PCDH9: variants seen among roughly 807,000 people sequenced by gnomAD.
PCDH9 encodes protocadherin-9.
Under a neutral mutation model 70.6 loss-of-function variants are expected in PCDH9, and 24 were observed. The observed-to-expected ratio is 0.34, with a 90% confidence interval of 0.25 to 0.48. The LOEUF is 0.48. PCDH9 is among the 20% of genes least tolerant of loss of function. The probability of loss-of-function intolerance (pLI) is 0.99; values close to 1 mark genes in which losing one functional copy is unlikely to be tolerated. For synonymous variants in PCDH9, 562 were observed against 558.5 expected, an observed-to-expected ratio of 1.01 and a Z score of -0.09; for missense variants, 1,281 against 1,503.6, an observed-to-expected ratio of 0.85 and a Z score of 2.45.
At chr13:67,002,585 C>T in intron 2 of PCDH9, among the ~76,000 whole-genome samples, 1 of 149,956 alleles carries the variant, frequency 6.7e-6, no homozygotes, top group East Asian at 1.9e-4. Context: ...AAAAAAAAAC[C>T]CTCACCAATT....
intron 2 of PCDH9, among the ~76,000 whole-genome samples, chr13:67,040,194 C>G (rs2085084582): frequency 6.6e-6 from 1 of 152,034 alleles, no homozygotes; most frequent in South Asian, 2.1e-4. Context: ...TGTTTATGTC[C>G]CCCCAGACGT....
intron 2 of PCDH9, among the ~76,000 whole-genome samples, chr13:66,918,919 A>G (rs1339569801): frequency 6.6e-6 from 1 of 151,098 alleles, no homozygotes; most frequent in African/African-American, 2.4e-5. Flanking sequence ...TCTATTTTCA[A>G]CCTACTTAAT....
chr13:66,958,878 CG>C (rs1330928389), intron 2 of PCDH9, among the ~76,000 whole-genome samples: 2 of 152,122 alleles, frequency 1.3e-5, no homozygotes, highest in East Asian at 3.8e-4. Context: ...TATACTTAGA[CG>C]TTTTTCTCAG....
intron 3 of PCDH9, among the ~76,000 whole-genome samples, chr13:66,756,609 C>T (rs1025264094): frequency 1.3e-5 from 2 of 152,116 alleles, no homozygotes; most frequent in Non-Finnish European, 2.9e-5. Flanking sequence ...TGCAAACAGG[C>T]CCATTCCATG....
chr13:66,820,058 T>C (rs1420402385), intron 3 of PCDH9, among the ~76,000 whole-genome samples: 2 of 152,166 alleles, frequency 1.3e-5, no homozygotes, highest in Non-Finnish European at 2.9e-5. Context: ...TTAAGATAAG[T>C]ATGATATAAT....
intron 4 of PCDH9, among the ~76,000 whole-genome samples, chr13:66,593,465 T>A (rs2077061859): frequency 6.6e-6 from 1 of 151,776 alleles, no homozygotes; most frequent in South Asian, 2.1e-4. Context: ...AGTCTAAAGC[T>A]GAATAAAGAT....
At position 66,789,512 on chromosome 13, in the gene PCDH9, A is replaced by AT. The variant is rs1193963773; in HGVS notation, c.3138+113991dup. On this transcript the variant is annotated intron_variant, in intron 3 of 4. Transcript: ENST00000377865. ...ATCCACAGTGGGTTTATTTTTTTTT[A>AT]TTTTTTTTCCAGCTAGGAACATTTT... Among the ~76,000 whole-genome samples, 222 of 151,274 alleles carry AT rather than the reference A, an allele frequency of 1.5e-3. 2 individuals carry two copies. The highest frequency in any genetic ancestry group is 5.0e-3 in the African/African-American group (206 of 41,282).
chr13:66,820,516 G>A (rs118072378), intron 3 of PCDH9, among the ~76,000 whole-genome samples: 1 of 152,106 alleles, frequency 6.6e-6, no homozygotes, highest in Non-Finnish European at 1.5e-5. Flanking sequence ...CCAATGGAAT[G>A]CAAATCATTC....
chr13:67,111,726 T>G (rs1031319288), intron 2 of PCDH9, among the ~76,000 whole-genome samples: 3 of 152,174 alleles, frequency 2.0e-5, no homozygotes, highest in Non-Finnish European at 2.9e-5. Context: ...TATTTTTGAG[T>G]GGCTTTGATA....
intron 4 of PCDH9, among the ~76,000 whole-genome samples, chr13:66,611,279 T>C (rs2077290800): frequency 6.6e-6 from 1 of 152,194 alleles, no homozygotes; most frequent in Non-Finnish European, 1.5e-5. Context: ...ATTACATTTT[T>C]GCAGATTTGA....
At chr13:66,910,746 A>C (rs1041693021) in intron 2 of PCDH9, among the ~76,000 whole-genome samples, 3 of 152,188 alleles carry the variant, frequency 2.0e-5, no homozygotes, top group Non-Finnish European at 2.9e-5. Flanking sequence ...ATTTAATAAA[A>C]TGTTTAGGTG....
At chr13:67,219,639 G>C (rs2089681144) in intron 2 of PCDH9, 1 of 151,880 alleles carries the variant, frequency 6.6e-6, no homozygotes, top group South Asian at 2.1e-4. Flanking sequence ...ACTAATACCT[G>C]GCCTGTGATT....
At chr13:66,710,405 G>C (rs1196856737) in intron 3 of PCDH9, among the ~76,000 whole-genome samples, 1 of 152,004 alleles carries the variant, frequency 6.6e-6, no homozygotes, top group Non-Finnish European at 1.5e-5. Context: ...AAAATGACAG[G>C]ACACCGATGC....
At chr13:66,608,841 G>T (rs1163581580) in intron 4 of PCDH9, among the ~76,000 whole-genome samples, 1 of 152,144 alleles carries the variant, frequency 6.6e-6, no homozygotes, top group Non-Finnish European at 1.5e-5. Context: ...ATCAAAATTA[G>T]CATCTTGAAT....
chr13:66,731,390 G>A (rs1217478138), intron 3 of PCDH9, among the ~76,000 whole-genome samples: 1 of 152,084 alleles, frequency 6.6e-6, no homozygotes, highest in Non-Finnish European at 1.5e-5. Flanking sequence ...GTTACTTTTA[G>A]CCTTTAGATT....
At chr13:66,978,094 A>G (rs1471747164) in intron 2 of PCDH9, among the ~76,000 whole-genome samples, 1 of 152,192 alleles carries the variant, frequency 6.6e-6, no homozygotes, top group East Asian at 1.9e-4. Flanking sequence ...TTAATTTACC[A>G]GATAAGAGAA....
chr13:67,174,724 T>C (rs1186324984), intron 2 of PCDH9, among the ~76,000 whole-genome samples: 1 of 152,166 alleles, frequency 6.6e-6, no homozygotes, highest in African/African-American at 2.4e-5. Flanking sequence ...AAAAGACTTA[T>C]TCACTGACTT....
intron 4 of PCDH9, among the ~76,000 whole-genome samples, chr13:66,388,986 C>A (rs929785083): frequency 6.6e-6 from 1 of 152,078 alleles, no homozygotes; most frequent in Non-Finnish European, 1.5e-5. Flanking sequence ...TATTATGCAA[C>A]ATTTTATTTT....
At chr13:66,847,303 C>G (rs989754175) in intron 3 of PCDH9, among the ~76,000 whole-genome samples, 3 of 152,138 alleles carry the variant, frequency 2.0e-5, no homozygotes, top group African/African-American at 7.2e-5. Flanking sequence ...CTATTTCACA[C>G]CAACAAGTTT....
Sources: gnomAD v4.1 joint callset for allele counts (sites outside exome capture counted in the v4.1 genomes callset) on GRCh38, gnomAD v4.1.1 for gene constraint, MANE v1.5 for transcripts, NCBI Gene and HGNC (gene_info 2026-07-23, HGNC 2026-07-21) for gene names.